Variants in SAMTOR observed in about 807,000 individuals in gnomAD.
SAMTOR encodes the protein UPF0532 protein C7orf60.
chr7:112,837,010 C>A, the SAMTOR span, among the ~76,000 whole-genome samples: 1 of 151,800 alleles, frequency 6.6e-6, no homozygotes, highest in Admixed American at 6.6e-5. Flanking sequence ...GAAAATAGCA[C>A]TGGATCTGTA....
chr7:112,925,652 G>T, the SAMTOR span, among the ~76,000 whole-genome samples: 1 of 152,122 alleles, frequency 6.6e-6, no homozygotes, highest in South Asian at 2.1e-4. Flanking sequence ...AAATTAGCCA[G>T]GTGTGGTGGC....
chr7:112,903,238 G>A, the SAMTOR span, among the ~76,000 whole-genome samples: 1 of 151,972 alleles, frequency 6.6e-6, no homozygotes, highest in Non-Finnish European at 1.5e-5. Flanking sequence ...GCTTAACCCT[G>A]GAAGTGGAGG....
chr7:112,820,738 A>C, the SAMTOR span: 1 of 152,062 alleles, frequency 6.6e-6, no homozygotes, highest in Non-Finnish European at 1.5e-5. Flanking sequence ...TTAAGATACC[A>C]AAAGGTCAAA....
chr7:112,886,769 A>T, the SAMTOR span, among the ~76,000 whole-genome samples: 1 of 152,244 alleles, frequency 6.6e-6, no homozygotes, highest in Non-Finnish European at 1.5e-5. Flanking sequence ...TGGTTCCACC[A>T]TATCTCCCTG....
At chr7:112,939,688 A>T in the SAMTOR span, 1 of 1,612,352 alleles carries the variant, frequency 6.2e-7, no homozygotes, top group Non-Finnish European at 8.5e-7. Flanking sequence ...GGGGCGGCGG[A>T]GTGTTCGGGG....
At chr7:112,931,222 A>G in the SAMTOR span, among the ~76,000 whole-genome samples, 1 of 152,146 alleles carries the variant, frequency 6.6e-6, no homozygotes, top group Admixed American at 6.5e-5. Flanking sequence ...AATGGTGTAT[A>G]GCAAGGTTGT....
At chr7:112,871,467 A>T in the SAMTOR span, among the ~76,000 whole-genome samples, 130 of 152,342 alleles carry the variant, frequency 8.5e-4, 3 homozygotes, top group Non-Finnish European at 2.4e-4. Context: ...AACTATTTGA[A>T]ACAAATGAAA....
At chr7:112,882,560 G>A in the SAMTOR span, among the ~76,000 whole-genome samples, 1 of 151,750 alleles carries the variant, frequency 6.6e-6, no homozygotes, top group Admixed American at 6.6e-5. Flanking sequence ...GTGGTGGCAC[G>A]TGCCTGTAAT....
chr7:112,924,622 C>G, the SAMTOR span, among the ~76,000 whole-genome samples: 3 of 152,026 alleles, frequency 2.0e-5, no homozygotes, highest in Non-Finnish European at 4.4e-5. Flanking sequence ...CCATTAATCA[C>G]TAACATTTGG....
chr7:112,885,979 C>T, the SAMTOR span, among the ~76,000 whole-genome samples: 1 of 152,184 alleles, frequency 6.6e-6, no homozygotes, highest in Non-Finnish European at 1.5e-5. Context: ...GGGAAAGCCT[C>T]AGGAAACTTA....
the SAMTOR span, among the ~76,000 whole-genome samples, chr7:112,875,085 A>G: frequency 6.6e-6 from 1 of 152,170 alleles, no homozygotes; most frequent in Non-Finnish European, 1.5e-5. Context: ...ATTCAGTCAG[A>G]TGATGCCTCT....
At chr7:112,915,368 A>G in the SAMTOR span, 3 of 1,613,422 alleles carry the variant, frequency 1.9e-6, no homozygotes, top group Non-Finnish European at 2.5e-6. Context: ...TATCTGCCAA[A>G]TTTTTCATTG....
chr7:112,939,787 C>G, the SAMTOR span: 3 of 1,515,886 alleles, frequency 2.0e-6, no homozygotes, highest in Non-Finnish European at 2.7e-6. Flanking sequence ...CCCTCAGGCC[C>G]CCGCAGACGC....
At chr7:112,831,811 C>T in the SAMTOR span, among the ~76,000 whole-genome samples, 13 of 152,236 alleles carry the variant, frequency 8.5e-5, no homozygotes, top group South Asian at 6.2e-4. Flanking sequence ...GTAGTTTCAT[C>T]GACTCAAGTA....
At chr7:112,892,890 T>C in the SAMTOR span, among the ~76,000 whole-genome samples, 6 of 152,268 alleles carry the variant, frequency 3.9e-5, no homozygotes, top group African/African-American at 4.8e-5. Flanking sequence ...CTCGTACATA[T>C]ATATCAGAGC....
At chr7:112,924,821 T>C in the SAMTOR span, among the ~76,000 whole-genome samples, 2 of 2,222 alleles carry the variant, frequency 9.0e-4, no homozygotes, top group African/African-American at 1.1e-3. Flanking sequence ...CCAATGTTCT[T>C]TTTTTTTTAG....
chr7:112,914,340 G>A, the SAMTOR span, among the ~76,000 whole-genome samples: 49 of 142,826 alleles, frequency 3.4e-4, no homozygotes, highest in African/African-American at 1.3e-3. Context: ...TAAATTGCAC[G>A]TCACAGGGGT....
chr7:112,867,321 C>G, the SAMTOR span, among the ~76,000 whole-genome samples: 1 of 152,128 alleles, frequency 6.6e-6, no homozygotes, highest in Non-Finnish European at 1.5e-5. Flanking sequence ...ATCGTGTACT[C>G]AATTTTATGA....
chr7:112,904,738 C>T, the SAMTOR span, among the ~76,000 whole-genome samples: 13 of 152,102 alleles, frequency 8.5e-5, no homozygotes, highest in South Asian at 2.1e-4. Flanking sequence ...AAACTTGACT[C>T]GGTAGAAATA....
Sources: gnomAD v4.1 joint callset for allele counts (sites outside exome capture counted in the v4.1 genomes callset) on GRCh38, gnomAD v4.1.1 for gene constraint, MANE v1.5 for transcripts, NCBI Gene and HGNC (gene_info 2026-07-23, HGNC 2026-07-21) for gene names.